FOCAD: variants seen among roughly 807,000 people sequenced by gnomAD.
The protein encoded by FOCAD is focadhesin, also known as KIAA1797.
A neutral mutation model predicts 225.6 loss-of-function variants in FOCAD; 198 were observed. That is an observed-to-expected ratio of 0.88 (90% CI 0.78 to 0.99). The LOEUF (loss-of-function observed/expected upper bound fraction) is 0.99, where lower values mean the gene tolerates loss of function less well. FOCAD is among the 50% of genes least tolerant of loss of function. The probability of loss-of-function intolerance (pLI) is 0.00; values close to 1 mark genes in which losing one functional copy is unlikely to be tolerated. For missense variants in FOCAD, 2,713 were observed against 2,123.6 expected, an observed-to-expected ratio of 1.28 and a Z score of -5.46; for synonymous variants, 897 against 755.0, an observed-to-expected ratio of 1.19 and a Z score of -3.08.
chr9:20,905,596 A>G (rs1832887913), intron 21 of FOCAD, among the ~76,000 whole-genome samples: 1 of 152,048 alleles, frequency 6.6e-6, no homozygotes, highest in Non-Finnish European at 1.5e-5. Flanking sequence ...AGCTGTCAAA[A>G]TAGGGCTCGA....
At chr9:20,874,528 AT>A (rs1252002328) in intron 18 of FOCAD, 152 bp from the exon 19 acceptor site, 8 of 692,898 alleles carry the variant, frequency 1.2e-5, no homozygotes, top group Admixed American at 9.9e-5. Context: ...AAATGAATAG[AT>A]TTTTAAAAAA....
chr9:20,792,742 A>T (rs998400429), intron 11 of FOCAD, among the ~76,000 whole-genome samples: 2 of 152,158 alleles, frequency 1.3e-5, no homozygotes, highest in South Asian at 4.1e-4. Context: ...ATTTTTTTCC[A>T]TGTGTAAAAG....
upstream of FOCAD, among the ~76,000 whole-genome samples, chr9:20,682,540 G>A (rs148229104): frequency 1.2e-3 from 187 of 152,248 alleles, no homozygotes; most frequent in African/African-American, 4.4e-3. Context: ...TATATACTTA[G>A]AACAGCGCTG....
chr9:20,786,917 GC>G (rs1308041285), intron 10 of FOCAD: 1 of 375,838 alleles, frequency 2.7e-6, no homozygotes, highest in African/African-American at 2.2e-5. Context: ...TCCTCTAAAA[GC>G]AAAGCTTACT....
intron 25 of FOCAD, among the ~76,000 whole-genome samples, chr9:20,925,014 T>G (rs1364803084): frequency 6.6e-6 from 1 of 152,190 alleles, no homozygotes; most frequent in Non-Finnish European, 1.5e-5. Flanking sequence ...GCAAAGGGTG[T>G]TACTACCAGT....
intron 35 of FOCAD, among the ~76,000 whole-genome samples, chr9:20,970,224 G>C (rs1839646305): frequency 6.6e-6 from 1 of 152,178 alleles, no homozygotes; most frequent in African/African-American, 2.4e-5. Flanking sequence ...CTTCTTGAAT[G>C]TATGGATTTG....
rs189217962 is a variant in FOCAD, at chr9:20,948,464, A to G, written c.3798+71A>G. ...AAAGAACTACTTTATTGGATCATTT[A>G]TAGGAGTTGCTGAGATATATACGTT... is the stretch of plus-strand genomic sequence containing the variant. On this transcript the variant is annotated intron_variant, in intron 31 of 43. Transcript: ENST00000338382. 231 of 1,529,292 alleles carry G rather than the reference A, an allele frequency of 1.5e-4. 1 individual carries two copies. The Admixed American group carries it at 4.1e-3, about 27-fold the overall frequency. The allele number at this position is 1,529,292 out of a possible 1,614,324, so 94.7% of individuals were successfully genotyped here.
chr9:20,960,879 T>C (rs565629497), intron 35 of FOCAD, among the ~76,000 whole-genome samples: 1 of 152,102 alleles, frequency 6.6e-6, no homozygotes, highest in South Asian at 2.1e-4. Flanking sequence ...TTGCTGAGAA[T>C]GATGGTTTCC....
chr9:20,922,175 A>G (rs1564155563), intron 24 of FOCAD, among the ~76,000 whole-genome samples: 1 of 152,210 alleles, frequency 6.6e-6, no homozygotes, highest in Non-Finnish European at 1.5e-5. Flanking sequence ...CTTATTAGCT[A>G]TATGAGTGCT....
At chr9:20,713,030 G>T (rs565441163) in intron 1 of FOCAD, among the ~76,000 whole-genome samples, 12 of 152,162 alleles carry the variant, frequency 7.9e-5, no homozygotes, top group Middle Eastern at 3.4e-3. Flanking sequence ...ACCATGCCTG[G>T]CCCTTTCTTC....
intron 25 of FOCAD, among the ~76,000 whole-genome samples, chr9:20,924,372 A>C (rs1338134179): frequency 6.6e-6 from 1 of 152,204 alleles, no homozygotes; most frequent in Non-Finnish European, 1.5e-5. Flanking sequence ...CTTTGGAATA[A>C]GAAAGTCCTA....
intron 11 of FOCAD, among the ~76,000 whole-genome samples, chr9:20,813,243 G>T (rs771986589): frequency 7.9e-5 from 12 of 152,070 alleles, no homozygotes; most frequent in Admixed American, 6.6e-5. Context: ...ATACCACACT[G>T]TGTTTATCCA....
At chr9:20,686,800 T>C (rs573608517) in intron 1 of FOCAD, among the ~76,000 whole-genome samples, 1 of 152,328 alleles carries the variant, frequency 6.6e-6, no homozygotes, top group East Asian at 1.9e-4. Context: ...AATAGATTGA[T>C]GGAGGTTTTG....
At chr9:20,680,740 G>A (rs1025070412), upstream of FOCAD, among the ~76,000 whole-genome samples, 3 of 152,190 alleles carry the variant, frequency 2.0e-5, no homozygotes, top group African/African-American at 4.8e-5. Flanking sequence ...GCCGAGGCGG[G>A]AGGATAACTT....
chr9:20,866,917 T>TTTTTTTTTTTAAAAAAAA lies in FOCAD; in HGVS notation c.2107-12_2107-11insTTTTTTTTTTAAAAAAAA. ...TTTTTTTTTTTTTTTTTTTTTTTTT[T>TTTTTTTTTTTAAAAAAAA]ACCCTATCTAGGACCCAATTGTAGC... On this transcript the variant is annotated splice_polypyrimidine_tract_variant and intron_variant, in intron 17 of 43. Coordinates refer to ENST00000338382, the MANE Select transcript of FOCAD (RefSeq NM_001375567.1). The TTTTTTTTTTTAAAAAAAA allele has an allele frequency of 1.3e-6, 1 of 764,972 alleles. No individual in the cohort carries two copies. Among genetic ancestry groups the TTTTTTTTTTTAAAAAAAA allele is most frequent in the Non-Finnish European group, 2.0e-6 (1 of 498,468 alleles). The allele number at this position is 764,972 out of a possible 1,614,324, so 47.4% of individuals were successfully genotyped here.
chr9:20,972,416 A>T (rs1488828840), intron 35 of FOCAD, among the ~76,000 whole-genome samples: 2 of 152,010 alleles, frequency 1.3e-5, no homozygotes, highest in Admixed American at 6.6e-5. Context: ...GGTCATCTTC[A>T]TATGCTTGTT....
At chr9:20,935,045 C>T (rs1044257989) in intron 28 of FOCAD, among the ~76,000 whole-genome samples, 6 of 152,146 alleles carry the variant, frequency 3.9e-5, no homozygotes, top group African/African-American at 1.4e-4. Context: ...ACCATAGTGT[C>T]AAAAGCAGTC....
chr9:20,853,239 T>A (rs1827846615), intron 15 of FOCAD, among the ~76,000 whole-genome samples: 1 of 151,744 alleles, frequency 6.6e-6, no homozygotes, highest in South Asian at 2.1e-4. Flanking sequence ...AAGATACTGT[T>A]CCTTGTGGAA....
In FOCAD at chr9:20,949,608, A is replaced by T. The variant is rs1459388509; in HGVS notation, c.3881A>T (p.Lys1294Ile). 6.2e-7 allele frequency: 1 copy of T among 1,613,070 alleles called. No individual in the cohort carries two copies. Among genetic ancestry groups the T allele is most frequent in the South Asian group, 1.1e-5 (1 of 91,028 alleles). ...VGSEGDVMQL[K>I]SEAIQTSHFQ... ...TATTTCTTCTTATTCTTTCAGCTGA[A>T]ATCAGAAGCCATCCAGACCTCTCAT... The change falls in exon 33 of 44, where the codon AAA (lysine) becomes ATA (isoleucine). Residue 1294 changes from lysine to isoleucine, a missense_variant. Physicochemically the swap from Lys to Ile is moderately radical, Grantham distance 102. Transcript: ENST00000338382.
Sources: gnomAD v4.1 joint callset for allele counts (sites outside exome capture counted in the v4.1 genomes callset) on GRCh38, gnomAD v4.1.1 for gene constraint, MANE v1.5 for transcripts, NCBI Gene and HGNC (gene_info 2026-07-23, HGNC 2026-07-21) for gene names.